The following ACSL1 variants were observed in gnomAD, a reference collection of about 807,000 sequenced individuals.
The protein encoded by ACSL1 is long-chain-fatty-acid--CoA ligase 1.
In ACSL1, 41 loss-of-function variants were observed where a neutral mutation model predicts 98.4. The observed-to-expected ratio is 0.42, with a 90% CI of 0.32 to 0.54. The LOEUF is 0.54. Among genes scored for constraint, ACSL1 ranks in the 20% least tolerant of loss-of-function variants. The pLI is 0.13. For synonymous variants in ACSL1, 316 were observed against 322.7 expected (o/e 0.98, Z 0.22); for missense variants, 734 against 883.1 (o/e 0.83, Z 2.14).
At chr4:184,790,626 G>A (rs1269207051) in intron 2 of ACSL1, among the ~76,000 whole-genome samples, 3 of 152,214 alleles carry the variant, frequency 2.0e-5, no homozygotes, top group Non-Finnish European at 4.4e-5. Context: ...ATAAGAATGG[G>A]AGAATATCTT....
In ACSL1 at chr4:184,825,654, G is replaced by T. The variant is rs1458101361; in HGVS notation, c.-33+262C>A. 1.3e-5 allele frequency among the ~76,000 whole-genome samples: 2 copies of T among 150,056 alleles called. No homozygotes were observed. Among genetic ancestry groups the T allele is most frequent in the East Asian group, 3.9e-4 (2 of 5,138 alleles). On this transcript the variant is annotated intron_variant, in intron 1 of 20. Transcript: ENST00000281455. This position sits in a 1 kb window ranked among gnomAD's most constrained non-coding sequence, Gnocchi z 4.7. Reference sequence around the variant, plus strand: ...GCATCCCCGGCCGCGCACCAGCCCCGCGCCCGCGCCGCCCGCGACTCAGAC... The same window carrying T: ...GCATCCCCGGCCGCGCACCAGCCCCTCGCCCGCGCCGCCCGCGACTCAGAC...
intron 1 of ACSL1, among the ~76,000 whole-genome samples, chr4:184,821,768 T>C (rs1393191339): frequency 3.3e-5 from 5 of 152,240 alleles, no homozygotes; most frequent in Admixed American, 6.5e-5. Flanking sequence ...AACTTATTTT[T>C]TGAAGAATAT....
In ACSL1 at chr4:184,757,293, G is replaced by A; in HGVS notation, c.1957-28C>T. 1 of 1,576,920 alleles carries A rather than the reference G, an allele frequency of 6.3e-7. No homozygotes were observed. The highest frequency in any genetic ancestry group is 8.7e-7 in the Non-Finnish European group (1 of 1,154,080). ...GCCAATAAACAAGGCAGTTAAAAGA[G>A]GAAAAAGGACACGGGCCACCAGTCT... On this transcript the variant is annotated intron_variant, in intron 20 of 20. Transcript: ENST00000281455. The surrounding 1 kb of genome is among the most constrained non-coding windows in gnomAD (Gnocchi z 4.5).
chr4:184,781,903 G>A (rs182829940), intron 4 of ACSL1, among the ~76,000 whole-genome samples: 12 of 152,330 alleles, frequency 7.9e-5, no homozygotes, highest in Middle Eastern at 3.4e-3. Context: ...GAGCCATACC[G>A]TGCCTGGCCT....
chr4:184,766,850 G>T lies in ACSL1; in HGVS notation c.1129-94C>A. On this transcript the variant is annotated intron_variant, in intron 12 of 20. Coordinates refer to ENST00000281455, the MANE Select transcript of ACSL1 (RefSeq NM_001995.5). The surrounding 1 kb of genome is among the most constrained non-coding windows in gnomAD (Gnocchi z 4.8). ...ATCAGAACCCTCACACACAGCTGGG[G>T]AACACAAAATGGCACAGCTGCTCTG... 2 of 1,398,768 alleles carry T rather than the reference G, an allele frequency of 1.4e-6. No individual in the cohort carries two copies. 86.6% of individuals were successfully genotyped at this position (1,398,768 alleles called of 1,614,324 possible).
intron 1 of ACSL1, among the ~76,000 whole-genome samples, chr4:184,811,103 T>G (rs953674903): frequency 6.6e-6 from 1 of 151,992 alleles, no homozygotes; most frequent in African/African-American, 2.4e-5. Context: ...CGATGCACAA[T>G]GCTTTTTTTT....
At chr4:184,823,565 T>C (rs928052582) in intron 1 of ACSL1, among the ~76,000 whole-genome samples, 15 of 152,324 alleles carry the variant, frequency 9.8e-5, no homozygotes, top group Middle Eastern at 6.8e-3. Flanking sequence ...AATACCCAGT[T>C]ATAATGACAA....
In ACSL1 at chr4:184,776,616, G is replaced by A. The variant is rs372828590; in HGVS notation, c.624C>T (p.Leu208=). 2.1e-5 allele frequency: 34 copies of A among 1,613,700 alleles called. No individual in the cohort carries two copies. Among genetic ancestry groups the A allele is most frequent in the Non-Finnish European group, 2.8e-5 (33 of 1,180,032 alleles). The change falls in exon 7 of 21, where the codon CTC becomes CTT. Residue 208 remains leucine (L), a synonymous_variant. Coordinates refer to ENST00000281455, the MANE Select transcript of ACSL1 (RefSeq NM_001995.5). ...VFVDKPEKAK[L]LLEGVENKLI... ...ACTTATTTTCTACACCCTCTAATAAGAGTTTGGCCTTCTCTGGCTTGTCAA... is the reference window on the plus strand; with the variant it reads ...ACTTATTTTCTACACCCTCTAATAAAAGTTTGGCCTTCTCTGGCTTGTCAA...
intron 4 of ACSL1, among the ~76,000 whole-genome samples, chr4:184,781,612 T>A (rs1052691837): frequency 6.6e-6 from 1 of 151,672 alleles, no homozygotes; most frequent in Non-Finnish European, 1.5e-5. Context: ...TGTTTCTTTC[T>A]TTTTTTTTCT....
chr4:184,782,844 G>C (rs1171641945), intron 4 of ACSL1, among the ~76,000 whole-genome samples: 1 of 152,164 alleles, frequency 6.6e-6, no homozygotes, highest in African/African-American at 2.4e-5. Flanking sequence ...GAGAAATCAT[G>C]CACTTCAGTC....
At chr4:184,785,028 C>T (rs572655515) in intron 3 of ACSL1, among the ~76,000 whole-genome samples, 233 of 152,266 alleles carry the variant, frequency 1.5e-3, no homozygotes, top group Non-Finnish European at 1.2e-3. Flanking sequence ...CAGAGACGGG[C>T]GCACTGCAGC....
At chr4:184,814,047 T>C (rs912077491) in intron 1 of ACSL1, 1 of 360,592 alleles carries the variant, frequency 2.8e-6, no homozygotes, top group Non-Finnish European at 5.8e-6. Context: ...TCCCAGCACT[T>C]AGAGAGGCCG....
intron 4 of ACSL1, among the ~76,000 whole-genome samples, chr4:184,781,954 G>A (rs749595083): frequency 1.3e-5 from 2 of 152,102 alleles, no homozygotes; most frequent in Non-Finnish European, 2.9e-5. Context: ...ATTCTCAAGA[G>A]TACTCTTAAA....
rs986253273 is a variant in ACSL1, at chr4:184,757,065, C to G, written c.*60G>C. ...GTATTCAAAATTAACAACATGAAGGCCATCAGCAGGAGAAGAGATTGTGGA... is the reference window on the plus strand; with the variant it reads ...GTATTCAAAATTAACAACATGAAGGGCATCAGCAGGAGAAGAGATTGTGGA... On this transcript the variant is annotated 3_prime_UTR_variant, in exon 21 of 21. Coordinates refer to ENST00000281455, the MANE Select transcript of ACSL1 (RefSeq NM_001995.5). This position sits in a 1 kb window ranked among gnomAD's most constrained non-coding sequence, Gnocchi z 4.5. The G allele has an allele frequency of 7.4e-6, 11 of 1,492,748 alleles. No individual in the cohort carries two copies. The African/African-American group carries it at 1.5e-4, about 21-fold the overall frequency. 92.5% of individuals were successfully genotyped at this position (1,492,748 alleles called of 1,614,324 possible).
chr4:184,784,070 T>G, intron 3 of ACSL1, 79 bp from the exon 4 acceptor site: 2 of 1,159,124 alleles, frequency 1.7e-6, no homozygotes, highest in Non-Finnish European at 2.6e-6. Flanking sequence ...CCAACCGCAC[T>G]CTAATACTAA....
intron 1 of ACSL1, among the ~76,000 whole-genome samples, chr4:184,806,236 G>A (rs920423463): frequency 4.6e-5 from 7 of 152,168 alleles, no homozygotes; most frequent in African/African-American, 9.7e-5. Context: ...TACACCAGGC[G>A]GGATAAGCAG....
intron 7 of ACSL1, among the ~76,000 whole-genome samples, chr4:184,774,128 C>T (rs949418673): frequency 6.6e-6 from 1 of 152,170 alleles, no homozygotes; most frequent in Non-Finnish European, 1.5e-5. Flanking sequence ...GGTATTAGGA[C>T]TGGTCTTTGA....
chr4:184,777,617 A>C (rs1175330164), intron 5 of ACSL1, among the ~76,000 whole-genome samples: 1 of 152,104 alleles, frequency 6.6e-6, no homozygotes, highest in Non-Finnish European at 1.5e-5. Flanking sequence ...AAAGAAAGAT[A>C]AATTAAAATC....
At chr4:184,820,444 G>A (rs912536711) in intron 1 of ACSL1, among the ~76,000 whole-genome samples, 7 of 152,286 alleles carry the variant, frequency 4.6e-5, no homozygotes, top group Non-Finnish European at 8.8e-5. Context: ...CCTGAGCCAC[G>A]CTGAATCAAA....
Sources: gnomAD v4.1 joint callset for allele counts (sites outside exome capture counted in the v4.1 genomes callset) on GRCh38, gnomAD v4.1.1 for gene constraint, Gnocchi (gnomAD v3.1) non-coding constraint, MANE v1.5 for transcripts, NCBI Gene and HGNC (gene_info 2026-07-23, HGNC 2026-07-21) for gene names.